Variants in NUP210L observed in about 807,000 individuals in gnomAD.
The protein encoded by NUP210L is nuclear pore membrane glycoprotein 210-like.
Under a neutral mutation model 208.5 loss-of-function variants are expected in NUP210L, and 74 were observed. The observed-to-expected ratio is 0.35, with a 90% CI of 0.29 to 0.43. The LOEUF is 0.43. Among genes scored for constraint, NUP210L ranks in the 20% least tolerant of loss-of-function variants. The pLI is 1.00. For missense variants in NUP210L, 1,843 were observed against 2,289.4 expected, an observed-to-expected ratio of 0.81 and a Z score of 3.98; for synonymous variants, 780 against 816.9, an observed-to-expected ratio of 0.95 and a Z score of 0.77.
chr1:154,056,974 G>C (rs11264964), intron 22 of NUP210L, 27 bp from the exon 23 acceptor site: 460,528 of 1,596,920 alleles, frequency 0.29, 68,459 homozygotes, highest in Admixed American at 0.4. Context: ...ATTTTCAGGT[G>C]AGAAAGATTT....
At chr1:154,135,971 C>T in exon 7 of NUP210L, 1 of 1,593,854 alleles carries the variant, frequency 6.3e-7, no homozygotes, top group Non-Finnish European at 8.6e-7. Flanking sequence ...GAAATTTCAC[C>T]TCTGTAAGAC....
chr1:154,077,045 TGAG>T (rs991031081), intron 16 of NUP210L, among the ~76,000 whole-genome samples: 1 of 151,830 alleles, frequency 6.6e-6, no homozygotes, highest in African/African-American at 2.4e-5. Context: ...TCAGAAACCA[TGAG>T]GACCAGAAGG....
chr1:154,004,817 C>CTCTTT (rs1557907104), intron 35 of NUP210L, among the ~76,000 whole-genome samples: 1 of 147,498 alleles, frequency 6.8e-6, no homozygotes, highest in Non-Finnish European at 1.5e-5. Flanking sequence ...CAGGCTATTC[C>CTCTTT]TCTTTTCTTT....
intron 33 of NUP210L, among the ~76,000 whole-genome samples, chr1:154,012,696 C>A (rs1286457776): frequency 6.6e-6 from 1 of 152,030 alleles, no homozygotes; most frequent in East Asian, 1.9e-4. Context: ...GTATGTGTCA[C>A]CATGCCTAAC....
At position 154,085,131 on chromosome 1, in the gene NUP210L, A is replaced by G. The variant is rs1655554021; in HGVS notation, c.2361+4290T>C. ...GGGAGGCTGAGGTGGGTGAATCATG[A>G]GATCAGGAGCTTGAGACCATCCTGG... On this transcript the variant is annotated intron_variant, in intron 16 of 39. Transcript: ENST00000368559. 2.7e-5 allele frequency among the ~76,000 whole-genome samples: 4 copies of G among 147,274 alleles called. 1 individual carries two copies. The Middle Eastern group carries it at 0.014, about 515-fold the overall frequency.
At chr1:154,146,690 G>A (rs1659132822) in intron 2 of NUP210L, among the ~76,000 whole-genome samples, 1 of 139,486 alleles carries the variant, frequency 7.2e-6, no homozygotes, top group South Asian at 2.2e-4. Flanking sequence ...AGTGGGTAAA[G>A]CTTCAAGGAG....
At chr1:154,049,161 GT>G (rs1653354909) in intron 25 of NUP210L, among the ~76,000 whole-genome samples, 1 of 152,202 alleles carries the variant, frequency 6.6e-6, no homozygotes, top group South Asian at 2.1e-4. Context: ...CATAGTTGGA[GT>G]TGGTAAAGCC....
chr1:154,104,400 G>C, intron 12 of NUP210L, 190 bp from the exon 13 acceptor site: 2 of 580,368 alleles, frequency 3.4e-6, no homozygotes, highest in Non-Finnish European at 6.1e-6. Context: ...ACAGTACCTG[G>C]TTTTAACATC....
At chr1:153,995,805 C>T (rs1042991721) in intron 37 of NUP210L, 13 of 639,160 alleles carry the variant, frequency 2.0e-5, no homozygotes, top group East Asian at 6.6e-5. Flanking sequence ...GGATTCGTGC[C>T]GTAAAACCTG....
intron 12 of NUP210L, among the ~76,000 whole-genome samples, chr1:154,110,555 C>T (rs1358193262): frequency 6.6e-6 from 1 of 151,446 alleles, no homozygotes; most frequent in Admixed American, 6.6e-5. Context: ...CAGGTGTGAG[C>T]CACCGCACCC....
At chr1:154,114,085 A>G (rs1361903536) in intron 12 of NUP210L, among the ~76,000 whole-genome samples, 4 of 150,528 alleles carry the variant, frequency 2.7e-5, no homozygotes, top group South Asian at 2.1e-4. Context: ...GGAGGTTGCA[A>G]TGAGCCAAGA....
intron 7 of NUP210L, among the ~76,000 whole-genome samples, chr1:154,129,796 T>C (rs962926075): frequency 6.6e-6 from 1 of 152,152 alleles, no homozygotes; most frequent in East Asian, 1.9e-4. Flanking sequence ...ACTCCACAGA[T>C]AGTTTCAAAA....
rs77106666 is a variant in NUP210L, at chr1:154,095,305, A to G, written c.1966-149T>C. ...ATGTATGCCATGCCTCTCACTTGGAATGCTTCTCAACCTAACTTGGATCCT... is the reference window on the plus strand; with the variant it reads ...ATGTATGCCATGCCTCTCACTTGGAGTGCTTCTCAACCTAACTTGGATCCT... On this transcript the variant is annotated intron_variant, in intron 14 of 39. Coordinates refer to ENST00000368559, the Ensembl canonical transcript of NUP210L. 179 of 642,538 alleles carry G rather than the reference A, an allele frequency of 2.8e-4. No homozygotes were observed. In the East Asian group the frequency reaches 4.8e-3, roughly 17 times the overall value. The allele number at this position is 642,538 out of a possible 1,614,324, so 39.8% of individuals were successfully genotyped here.
At chr1:153,995,607 G>C in intron 37 of NUP210L, 1 of 899,076 alleles carries the variant, frequency 1.1e-6, no homozygotes, top group Non-Finnish European at 1.8e-6. Context: ...TCCTCTTCCA[G>C]GGACGTTGTC....
chr1:154,127,119 AAAAAAGAAG>A (rs893850662), intron 9 of NUP210L, among the ~76,000 whole-genome samples, 183 bp downstream of exon 9: 3 of 151,762 alleles, frequency 2.0e-5, no homozygotes, highest in Non-Finnish European at 2.9e-5. Context: ...AAAAAAAAAA[AAAAAAGAAG>A]AAAAAGAAGA....
chr1:154,005,304 A>G lies in NUP210L; in HGVS notation c.4931-3319T>C, dbSNP rs535854550. On this transcript the variant is annotated intron_variant, in intron 35 of 39. Coordinates refer to ENST00000368559, the Ensembl canonical transcript of NUP210L. ...AGTGGTGTGATCTCAGCTCACTGCAACCTCCGTCTCCTGGGTTCAAGCAAT... is the reference window on the plus strand; with the variant it reads ...AGTGGTGTGATCTCAGCTCACTGCAGCCTCCGTCTCCTGGGTTCAAGCAAT... 6.6e-5 allele frequency among the ~76,000 whole-genome samples: 10 copies of G among 151,596 alleles called. No individual in the cohort carries two copies. The South Asian group carries it at 2.1e-3, about 32-fold the overall frequency.
At chr1:154,046,191 A>G (rs1173130592) in exon 27 of NUP210L, 1 of 1,614,148 alleles carries the variant, frequency 6.2e-7, no homozygotes, top group East Asian at 2.2e-5. Context: ...CCCATGACAT[A>G]AACTGGCATC....
At chr1:154,138,311 A>AAAGAAGT in intron 5 of NUP210L, 73 bp from the exon 6 acceptor site, 1 of 1,342,656 alleles carries the variant, frequency 7.4e-7, no homozygotes, top group Non-Finnish European at 1.0e-6. Flanking sequence ...TTTCTTGTTA[A>AAAGAAGT]AAGCTTACTT....
chr1:154,138,363 A>T, intron 5 of NUP210L, 125 bp from the exon 6 acceptor site: 2 of 780,988 alleles, frequency 2.6e-6, no homozygotes. Context: ...GATTTTTTTA[A>T]AAGCTTTCCT....
Sources: allele counts gnomAD v4.1 joint callset (sites outside exome capture counted in the v4.1 genomes callset), GRCh38; gene constraint gnomAD v4.1.1; transcripts MANE v1.5; gene names NCBI Gene and HGNC (gene_info 2026-07-23, HGNC 2026-07-21).